Variants in NAA25 observed in about 807,000 individuals in gnomAD.
NAA25 encodes N-alpha-acetyltransferase 25, NatB auxiliary subunit, also known as N-terminal acetyltransferase B complex subunit NAA25.
Under a neutral mutation model 132.5 loss-of-function variants are expected in NAA25, and 30 were observed. That is an observed-to-expected ratio of 0.23 (90% CI 0.17 to 0.31). The LOEUF is 0.31. Ranked by LOEUF, NAA25 falls within the 10% of genes least tolerant of loss-of-function variation. NAA25 has a pLI of 1.00. For missense variants in NAA25, 771 were observed against 1,150.4 expected (o/e 0.67, Z 4.77); for synonymous variants, 359 against 401.9 (o/e 0.89, Z 1.28).
chr12:112,077,328 C>T (rs1321530661), intron 7 of NAA25, among the ~76,000 whole-genome samples: 1 of 151,924 alleles, frequency 6.6e-6, no homozygotes, highest in African/African-American at 2.4e-5. Flanking sequence ...CAAAAATTAG[C>T]TGGGCGTGGT....
intron 10 of NAA25, 144 bp from the exon 11 acceptor site, chr12:112,069,136 A>T (rs1252963141): frequency 5.0e-6 from 3 of 602,844 alleles, no homozygotes; most frequent in Non-Finnish European, 8.9e-6. Context: ...TATCTCAACT[A>T]CTTGTTCAGT....
intron 22 of NAA25, chr12:112,034,879 T>A (rs2078203581): frequency 6.6e-6 from 1 of 151,518 alleles, no homozygotes; most frequent in Admixed American, 6.6e-5. Context: ...TCTGTCTGTA[T>A]CAATAGCAGC....
chr12:112,063,711 G>A (rs532790422), intron 11 of NAA25, among the ~76,000 whole-genome samples: 1 of 152,024 alleles, frequency 6.6e-6, no homozygotes, highest in Non-Finnish European at 1.5e-5. Context: ...ACACAGAAGG[G>A]CACCAATAGG....
chr12:112,056,257 C>A (rs2078544138), intron 13 of NAA25, among the ~76,000 whole-genome samples: 1 of 151,958 alleles, frequency 6.6e-6, no homozygotes, highest in South Asian at 2.1e-4. Context: ...TTGCTTGAAC[C>A]CAGGAGACAG....
At chr12:112,064,625 CCTT>C (rs2078687575) in intron 11 of NAA25, among the ~76,000 whole-genome samples, 1 of 152,098 alleles carries the variant, frequency 6.6e-6, no homozygotes, top group Non-Finnish European at 1.5e-5. Flanking sequence ...TTTACTGTGG[CCTT>C]CTTTAATGAA....
chr12:112,085,999 A>C (rs2079042465), intron 4 of NAA25, among the ~76,000 whole-genome samples: 1 of 112,554 alleles, frequency 8.9e-6, no homozygotes. Context: ...CCTGGGTGAC[A>C]GAGTGAGACT....
intron 2 of NAA25, 44 bp from the exon 3 acceptor site, chr12:112,090,908 A>T: frequency 6.4e-7 from 1 of 1,553,322 alleles, no homozygotes; most frequent in Non-Finnish European, 8.8e-7. Context: ...AAGACAGAAA[A>T]GGAAATATGA....
At chr12:112,098,600 C>G (rs2079248372) in intron 1 of NAA25, among the ~76,000 whole-genome samples, 1 of 152,154 alleles carries the variant, frequency 6.6e-6, no homozygotes, top group African/African-American at 2.4e-5. Flanking sequence ...CCCTTAATAA[C>G]AGGAGTCAGC....
rs372171594 is a variant in NAA25, at chr12:112,039,308, T to G, written c.2570A>C (p.Tyr857Ser). The change falls in exon 22 of 24, where the codon TAC becomes TCC. Residue 857 changes from tyrosine to serine, a missense_variant. Physicochemically the swap from Tyr to Ser is moderately radical, Grantham distance 144. Around this residue, in one of 3 missense-constraint regions of NAA25, gnomAD observed 324 missense variants for 400.0 expected, o/e 0.81. Coordinates refer to ENST00000261745, the MANE Select transcript of NAA25 (RefSeq NM_024953.4). ...GTATGGTCGTAGGACACTCTCACAG[T>G]AACTGGATACCCAAAGGATAACAGA... Reference protein sequence around the residue: ...TISVILWVSSYCESVLRPYKL... With the variant: ...TISVILWVSSSCESVLRPYKL... 13 of 1,610,904 alleles carry G rather than the reference T, an allele frequency of 8.1e-6. No individual in the cohort carries two copies. Among genetic ancestry groups the G allele is most frequent in the Non-Finnish European group, 1.1e-5 (13 of 1,178,518 alleles).
At chr12:112,087,609 G>T in intron 4 of NAA25, 74 bp downstream of exon 4, 1 of 1,022,566 alleles carries the variant, frequency 9.8e-7, no homozygotes, top group Non-Finnish European at 1.5e-6. Flanking sequence ...ACCCAGTGCA[G>T]TTAAATCACA....
intron 15 of NAA25, among the ~76,000 whole-genome samples, chr12:112,050,281 A>G (rs1196347809): frequency 1.3e-5 from 2 of 152,140 alleles, no homozygotes; most frequent in African/African-American, 2.4e-5. Context: ...ACAACCCCCT[A>G]CTGGAACTGC....
chr12:112,051,021 A>C (rs1450912941), intron 15 of NAA25, among the ~76,000 whole-genome samples: 1 of 152,204 alleles, frequency 6.6e-6, no homozygotes, highest in Admixed American at 6.5e-5. Context: ...CAAGAATAAA[A>C]GATGCATAGT....
At chr12:112,064,447 T>A (rs905142282) in intron 11 of NAA25, among the ~76,000 whole-genome samples, 2 of 152,140 alleles carry the variant, frequency 1.3e-5, no homozygotes, top group African/African-American at 4.8e-5. Context: ...GCCAGGCTGG[T>A]CTCGAACTCC....
chr12:112,059,642 T>G (rs974344883), intron 13 of NAA25, among the ~76,000 whole-genome samples: 1 of 152,214 alleles, frequency 6.6e-6, no homozygotes, highest in African/African-American at 2.4e-5. Context: ...TTCTGTTCCA[T>G]AGGCCTGTGC....
chr12:112,029,500 A>C lies in NAA25; in HGVS notation c.*31T>G. 1 of 1,613,624 alleles carries C rather than the reference A, an allele frequency of 6.2e-7. No individual in the cohort carries two copies. Among genetic ancestry groups the C allele is most frequent in the Non-Finnish European group, 8.5e-7 (1 of 1,179,812 alleles). ...GGAAGATGGTGTCATATTCTGTTGCAGAGTCATCAGTGCCCATGATAGATA... is the reference window on the plus strand; with the variant it reads ...GGAAGATGGTGTCATATTCTGTTGCCGAGTCATCAGTGCCCATGATAGATA... On this transcript the variant is annotated 3_prime_UTR_variant, in exon 24 of 24. Coordinates refer to ENST00000261745, the MANE Select transcript of NAA25 (RefSeq NM_024953.4).
intron 1 of NAA25, among the ~76,000 whole-genome samples, chr12:112,099,599 A>C (rs966501292): frequency 6.6e-6 from 1 of 152,188 alleles, no homozygotes; most frequent in African/African-American, 2.4e-5. Flanking sequence ...CACTATCAAA[A>C]TTTGTTGAAT....
At chr12:112,042,964 T>C in intron 19 of NAA25, 124 bp downstream of exon 19, 1 of 884,614 alleles carries the variant, frequency 1.1e-6, no homozygotes, top group Non-Finnish European at 1.7e-6. Context: ...ACACCACACA[T>C]TTGCAGAACA....
chr12:112,099,517 C>T (rs908953003), intron 1 of NAA25, among the ~76,000 whole-genome samples: 1 of 152,028 alleles, frequency 6.6e-6, no homozygotes, highest in African/African-American at 2.4e-5. Flanking sequence ...TACTATAATG[C>T]AGCTAAAATA....
chr12:112,086,093 CA>C (rs1371897419), intron 4 of NAA25, among the ~76,000 whole-genome samples: 4 of 126,166 alleles, frequency 3.2e-5, no homozygotes, highest in African/African-American at 1.3e-4. Context: ...CACACACACA[CA>C]CACACACACC....
Sources: gnomAD v4.1 joint callset for allele counts (sites outside exome capture counted in the v4.1 genomes callset) on GRCh38, gnomAD v4.1.1 for gene constraint, gnomAD v4.1.1 regional missense constraint, MANE v1.5 for transcripts, NCBI Gene and HGNC (gene_info 2026-07-23, HGNC 2026-07-21) for gene names.